PCDH15: variants seen among roughly 807,000 people sequenced by gnomAD.
PCDH15 encodes the protein protocadherin-15.
PCDH15 carries 129 observed loss-of-function variants against 178.5 expected under a neutral mutation model. The observed-to-expected ratio is 0.72, with a 90% confidence interval of 0.63 to 0.84. The LOEUF is 0.84. PCDH15 is among the 40% of genes least tolerant of loss of function. The pLI, the probability that PCDH15 is intolerant of heterozygous loss-of-function variation, is 0.00. For missense variants in PCDH15, 2,230 were observed against 2,099.9 expected (o/e 1.06, Z -1.21); for synonymous variants, 800 against 732.0 (o/e 1.09, Z -1.50).
At chr10:54,688,990 A>T (rs2095065598) in intron 1 of PCDH15, among the ~76,000 whole-genome samples, 1 of 152,126 alleles carries the variant, frequency 6.6e-6, no homozygotes, top group South Asian at 2.1e-4. Flanking sequence ...GCAACATTAG[A>T]CTACCTAAAA....
At chr10:54,387,879 A>G (rs190658796) in intron 3 of PCDH15, among the ~76,000 whole-genome samples, 23 of 152,278 alleles carry the variant, frequency 1.5e-4, no homozygotes, top group African/African-American at 5.3e-4. Context: ...CAGGACCTAG[A>G]CCAAATCCCT....
chr10:55,359,916 T>C (rs551794264), intron 2 of PCDH15, among the ~76,000 whole-genome samples: 1 of 151,846 alleles, frequency 6.6e-6, no homozygotes, highest in East Asian at 1.9e-4. Context: ...AGGACTTCAC[T>C]TAAATGTAGA....
At chr10:54,490,173 G>A (rs935030199) in intron 3 of PCDH15, among the ~76,000 whole-genome samples, 1 of 152,174 alleles carries the variant, frequency 6.6e-6, no homozygotes, top group East Asian at 1.9e-4. Context: ...GCATATGGCT[G>A]AGCATGGTGG....
chr10:54,752,565 G>GA (rs1946491816), intron 1 of PCDH15, among the ~76,000 whole-genome samples: 2 of 148,248 alleles, frequency 1.3e-5, no homozygotes, highest in African/African-American at 5.0e-5. Context: ...CTATATGTCA[G>GA]AAAAAACTTC....
chr10:54,067,090 G>A (rs1025672463), intron 17 of PCDH15, among the ~76,000 whole-genome samples: 5 of 152,018 alleles, frequency 3.3e-5, no homozygotes, highest in Admixed American at 2.6e-4. Flanking sequence ...AAACAGATGG[G>A]AAAAGCAAAT....
chr10:54,488,767 T>C (rs539052333), intron 3 of PCDH15, among the ~76,000 whole-genome samples: 1 of 152,004 alleles, frequency 6.6e-6, no homozygotes, highest in African/African-American at 2.4e-5. Flanking sequence ...ATACAGGAAG[T>C]CATAGTTTTT....
intron 3 of PCDH15, among the ~76,000 whole-genome samples, chr10:54,451,621 C>T (rs1244272771): frequency 2.0e-5 from 3 of 151,820 alleles, no homozygotes; most frequent in Non-Finnish European, 2.9e-5. Flanking sequence ...AGTTTTTACA[C>T]ATGTAAATCT....
intron 27 of PCDH15, among the ~76,000 whole-genome samples, chr10:53,859,225 C>T (rs1248661628): frequency 6.6e-6 from 1 of 152,106 alleles, no homozygotes; most frequent in African/African-American, 2.4e-5. Context: ...TACTGGAGTC[C>T]TGGCCTCAGG....
chr10:54,826,564 T>C (rs771901026), intron 3 of PCDH15, among the ~76,000 whole-genome samples: 1 of 151,938 alleles, frequency 6.6e-6, no homozygotes, highest in Non-Finnish European at 1.5e-5. Context: ...TATATATGTA[T>C]GTAATATGAG....
At chr10:55,224,494 C>T (rs1353335339) in intron 1 of PCDH15, among the ~76,000 whole-genome samples, 2 of 152,030 alleles carry the variant, frequency 1.3e-5, no homozygotes, top group Non-Finnish European at 2.9e-5. Context: ...GGCGACCCTG[C>T]TCCTTACATG....
intron 8 of PCDH15, among the ~76,000 whole-genome samples, chr10:54,316,800 GGTAA>G (rs773233173): frequency 6.6e-6 from 1 of 152,060 alleles, no homozygotes; most frequent in African/African-American, 2.4e-5. Context: ...TACTTTAAGA[GGTAA>G]GTATTTGTAT....
At chr10:53,976,950 G>A (rs959048427) in intron 21 of PCDH15, among the ~76,000 whole-genome samples, 49 of 151,280 alleles carry the variant, frequency 3.2e-4, no homozygotes, top group African/African-American at 1.0e-3. Flanking sequence ...TCTGGGCAAC[G>A]AGATACAAGA....
At chr10:55,615,959 A>G (rs1422301245) in intron 2 of PCDH15, among the ~76,000 whole-genome samples, 2 of 152,170 alleles carry the variant, frequency 1.3e-5, no homozygotes, top group Non-Finnish European at 2.9e-5. Flanking sequence ...TGAAAGTTGC[A>G]TTTGTAATAC....
At chr10:55,068,285 G>A (rs1841619769) in intron 2 of PCDH15, among the ~76,000 whole-genome samples, 1 of 151,854 alleles carries the variant, frequency 6.6e-6, no homozygotes, top group African/African-American at 2.4e-5. Flanking sequence ...GTATATGATG[G>A]GAGATAGGGG....
intron 2 of PCDH15, among the ~76,000 whole-genome samples, chr10:54,931,783 C>T (rs1837783432): frequency 2.0e-5 from 3 of 152,260 alleles, no homozygotes; most frequent in Non-Finnish European, 4.4e-5. Flanking sequence ...GCAGAACTCA[C>T]AGTCTAGTGT....
intron 2 of PCDH15, among the ~76,000 whole-genome samples, chr10:55,537,411 T>TATG (rs1841603720): frequency 1.3e-5 from 2 of 150,794 alleles, no homozygotes; most frequent in African/African-American, 2.4e-5. Context: ...ATTTATGTAT[T>TATG]TATGTATGTA....
chr10:54,502,410 G>C (rs986547305), intron 3 of PCDH15, among the ~76,000 whole-genome samples: 1 of 151,966 alleles, frequency 6.6e-6, no homozygotes, highest in African/African-American at 2.4e-5. Flanking sequence ...TCCTTAAATA[G>C]GCCAAACTTT....
At chr10:54,091,906 C>A (rs2136069656) in intron 15 of PCDH15, among the ~76,000 whole-genome samples, 1 of 152,208 alleles carries the variant, frequency 6.6e-6, no homozygotes, top group Middle Eastern at 3.4e-3. Flanking sequence ...TGTCTATCTG[C>A]TGAAGACGGT....
intron 3 of PCDH15, among the ~76,000 whole-genome samples, chr10:54,393,671 A>G (rs1274904784): frequency 6.6e-6 from 1 of 152,190 alleles, no homozygotes; most frequent in Non-Finnish European, 1.5e-5. Flanking sequence ...ATTTTATCTT[A>G]ACAAGAACTT....
Sources: allele counts gnomAD v4.1 joint callset (sites outside exome capture counted in the v4.1 genomes callset), GRCh38; gene constraint gnomAD v4.1.1; transcripts MANE v1.5; gene names NCBI Gene and HGNC (gene_info 2026-07-23, HGNC 2026-07-21).